CREM: variants seen among roughly 807,000 people sequenced by gnomAD.
CREM encodes cAMP-responsive element modulator.
CREM carries 13 observed loss-of-function variants against 37.3 expected under a neutral mutation model. The ratio of observed to expected loss-of-function variants is 0.35; its 90% CI spans 0.23 to 0.55. CREM has a LOEUF of 0.55. CREM is among the 20% of genes least tolerant of loss of function. The pLI is 0.88. For synonymous variants in CREM, 124 were observed against 120.2 expected, an observed-to-expected ratio of 1.03 and a Z score of -0.21; for missense variants, 296 against 362.3, an observed-to-expected ratio of 0.82 and a Z score of 1.49.
At chr10:35,175,852 G>A in intron 3 of CREM, 1 of 1,581,842 alleles carries the variant, frequency 6.3e-7, no homozygotes. Context: ...CATTTTGGCA[G>A]GTTTCTGTGG....
chr10:35,181,915 A>T (rs887359848), intron 5 of CREM, among the ~76,000 whole-genome samples: 3 of 152,184 alleles, frequency 2.0e-5, no homozygotes, highest in Non-Finnish European at 4.4e-5. Flanking sequence ...TATTTGCCAC[A>T]TAAGAGGTCA....
rs1323135983 is a variant in CREM, at chr10:35,143,989, T to C, written c.45-4379T>C. 2.0e-5 allele frequency among the ~76,000 whole-genome samples: 3 copies of C among 152,162 alleles called. No homozygotes were observed. The East Asian group carries it at 5.8e-4, about 29-fold the overall frequency. The stretch of plus-strand genomic sequence containing the variant: ...TAGTTATGAGAGTGAAGATGAAATA[T>C]GGAAGGAGCTTATATCTTAGTGATT... On this transcript the variant is annotated intron_variant, in intron 2 of 7. Transcript: ENST00000685392.
chr10:35,153,017 A>G (rs1341303925), intron 3 of CREM, among the ~76,000 whole-genome samples: 3 of 152,164 alleles, frequency 2.0e-5, no homozygotes, highest in African/African-American at 4.8e-5. Context: ...AGGCAAGAGG[A>G]TTGCCTGAGC....
intron 3 of CREM, among the ~76,000 whole-genome samples, chr10:35,164,894 T>C (rs1321263509): frequency 6.6e-6 from 1 of 151,144 alleles, no homozygotes; most frequent in Admixed American, 6.6e-5. Context: ...TACAAAAAAA[T>C]ACAAAAATCA....
chr10:35,138,933 A>T (rs1304255421), intron 2 of CREM, among the ~76,000 whole-genome samples: 3 of 151,908 alleles, frequency 2.0e-5, no homozygotes, highest in African/African-American at 2.4e-5. Context: ...CCTATTTTTT[A>T]AAAAAACAAT....
intron 3 of CREM, among the ~76,000 whole-genome samples, chr10:35,161,922 G>A (rs2093318983): frequency 1.3e-5 from 2 of 152,080 alleles, no homozygotes; most frequent in Admixed American, 1.3e-4. Flanking sequence ...TTCATTACTG[G>A]GTATCTATCC....
At chr10:35,171,329 AC>A (rs930359851) in intron 3 of CREM, 3 of 151,200 alleles carry the variant, frequency 2.0e-5, no homozygotes, top group East Asian at 3.9e-4. Context: ...GCACAACCAC[AC>A]CCGGCTAATT....
intron 1 of CREM, among the ~76,000 whole-genome samples, chr10:35,136,440 G>T (rs1169201154): frequency 8.5e-5 from 13 of 152,164 alleles, no homozygotes; most frequent in African/African-American, 2.4e-4. Flanking sequence ...AAATGCTAGT[G>T]TAGCATACAA....
chr10:35,141,583 AGAG>A (rs2091439822), intron 2 of CREM, among the ~76,000 whole-genome samples: 1 of 152,146 alleles, frequency 6.6e-6, no homozygotes, highest in Admixed American at 6.6e-5. Flanking sequence ...TGGAGGAAGA[AGAG>A]GAGTTTAGTT....
chr10:35,209,605 C>T (rs1487304049), intron 7 of CREM, among the ~76,000 whole-genome samples: 1 of 152,176 alleles, frequency 6.6e-6, no homozygotes, highest in Non-Finnish European at 1.5e-5. Context: ...AATGTTTAAA[C>T]ACCCGCAACA....
intron 3 of CREM, among the ~76,000 whole-genome samples, chr10:35,164,779 G>A (rs974080478): frequency 1.3e-5 from 2 of 152,222 alleles, no homozygotes; most frequent in African/African-American, 4.8e-5. Context: ...GGCTGGGGCA[G>A]TGGCCCATGC....
chr10:35,144,871 A>G (rs1177081181), intron 2 of CREM, among the ~76,000 whole-genome samples: 4 of 151,816 alleles, frequency 2.6e-5, no homozygotes, highest in African/African-American at 7.3e-5. Flanking sequence ...ATTGAGTTGT[A>G]ACTTCCAGGC....
At position 35,188,379 on chromosome 10, in the gene CREM, G is replaced by A; in HGVS notation, c.589G>A (p.Val197Ile). The A allele has an allele frequency of 6.2e-7, 1 of 1,610,982 alleles. No homozygotes were observed. Among genetic ancestry groups the A allele is most frequent in the Non-Finnish European group, 8.5e-7 (1 of 1,178,614 alleles). The change falls in exon 6 of 8, where the codon GTT becomes ATT. Residue 197 changes from valine (V) to isoleucine (I), a missense_variant. This residue lies in a region of CREM where 257 missense variants were observed against 280.2 expected (regional missense o/e 0.92). Coordinates refer to ENST00000685392, the MANE Select transcript of CREM (RefSeq NM_183011.2). ...GTTCTTTGTCCCAGGCAGCCAGGTT[G>A]TTGTTCAAGGTATATTTTATTAATC... is the stretch of plus-strand genomic sequence containing the variant. The part of the protein sequence containing the change: ...QQFFVPGSQV[V>I]VQAATGDMPT...
chr10:35,190,856 G>GT (rs1368750873), intron 6 of CREM, among the ~76,000 whole-genome samples: 1 of 151,848 alleles, frequency 6.6e-6, no homozygotes, highest in Non-Finnish European at 1.5e-5. Context: ...TAGATACAGG[G>GT]TTTCACCATG....
chr10:35,146,144 T>TG (rs2092087813), intron 2 of CREM, among the ~76,000 whole-genome samples: 1 of 152,248 alleles, frequency 6.6e-6, no homozygotes, highest in African/African-American at 2.4e-5. Context: ...TATAGTTTAC[T>TG]GGGGAAGGCC....
chr10:35,167,124 G>C (rs2093592459), intron 3 of CREM, among the ~76,000 whole-genome samples: 1 of 152,180 alleles, frequency 6.6e-6, no homozygotes, highest in Admixed American at 6.5e-5. Context: ...CTGGGTGACA[G>C]AGCAAGACTC....
chr10:35,156,980 G>A (rs532491526), intron 3 of CREM, among the ~76,000 whole-genome samples: 4 of 151,998 alleles, frequency 2.6e-5, no homozygotes, highest in African/African-American at 9.7e-5. Flanking sequence ...ATGAACATAG[G>A]TACAAAAATC....
intron 3 of CREM, among the ~76,000 whole-genome samples, chr10:35,162,298 G>A (rs1347096060): frequency 6.6e-6 from 1 of 152,104 alleles, no homozygotes; most frequent in Non-Finnish European, 1.5e-5. Flanking sequence ...GGAAATGTTG[G>A]TCCAAGAATA....
At chr10:35,136,572 G>A (rs1000479275) in intron 1 of CREM, among the ~76,000 whole-genome samples, 1 of 152,070 alleles carries the variant, frequency 6.6e-6, no homozygotes, top group African/African-American at 2.4e-5. Flanking sequence ...AGTAACCATC[G>A]CCTTAGTGCC....
Sources: allele counts gnomAD v4.1 joint callset (sites outside exome capture counted in the v4.1 genomes callset), GRCh38; gene constraint gnomAD v4.1.1; regional missense constraint gnomAD v4.1.1; transcripts MANE v1.5; gene names NCBI Gene and HGNC (gene_info 2026-07-23, HGNC 2026-07-21).